THOP1: variants seen among roughly 807,000 people sequenced by gnomAD.
THOP1 encodes thimet oligopeptidase 1.
Under a neutral mutation model 71.8 loss-of-function variants are expected in THOP1, and 49 were observed. That is an observed-to-expected ratio of 0.68 (90% CI 0.54 to 0.87). The LOEUF is 0.87. THOP1 is among the 40% of genes least tolerant of loss of function. The pLI, the probability that THOP1 is intolerant of heterozygous loss-of-function variation, is 0.00. For missense variants in THOP1, 843 were observed against 975.6 expected (o/e 0.86, Z 1.81); for synonymous variants, 426 against 421.5 (o/e 1.01, Z -0.13).
rs952315333 is a variant in THOP1 at position 2,789,291 on chromosome 19, T to C, written c.17-1130T>C. On this transcript the variant is annotated intron_variant, in intron 1 of 12. Coordinates refer to ENST00000307741, the MANE Select transcript of THOP1 (RefSeq NM_003249.5). ...TGCTGGCCCCCTGGGCCCTGCACGG[T>C]TAGGTGTTTCCAGGTGGTTTTGCCA... Among the ~76,000 whole-genome samples the C allele has an allele frequency of 7.9e-5, 12 of 152,104 alleles. 1 individual carries two copies. Among genetic ancestry groups the C allele is most frequent in the African/African-American group, 2.9e-4 (12 of 41,428 alleles).
chr19:2,813,165 T>C lies in THOP1; in HGVS notation c.1959T>C (p.Asp653=), dbSNP rs774986611. ...TCCTGAGACCCGGCGGTTCCGAGGATGCCAGCGCCATGCTGAGGCGCTTCC... is the reference window on the plus strand; with the variant it reads ...TCCTGAGACCCGGCGGTTCCGAGGACGCCAGCGCCATGCTGAGGCGCTTCC... ...SCILRPGGSE[D]ASAMLRRFLG... The change falls in exon 13 of 13, where the codon GAT becomes GAC. Residue 653 remains aspartate, a synonymous_variant. Transcript: ENST00000307741. 2.0e-5 allele frequency: 33 copies of C among 1,612,068 alleles called. No homozygotes were observed. Among genetic ancestry groups the C allele is most frequent in the Non-Finnish European group, 2.5e-5 (29 of 1,179,666 alleles).
At chr19:2,793,281 C>G (rs1915926633) in intron 2 of THOP1, among the ~76,000 whole-genome samples, 1 of 152,168 alleles carries the variant, frequency 6.6e-6, no homozygotes, top group African/African-American at 2.4e-5. Flanking sequence ...TTCATAACCC[C>G]AGAGAGAAAT....
intron 8 of THOP1, 98 bp from the exon 9 acceptor site, chr19:2,808,145 G>A (rs1227683530): frequency 3.0e-6 from 4 of 1,351,508 alleles, no homozygotes; most frequent in Non-Finnish European, 4.1e-6. Flanking sequence ...GGTGCCCGGC[G>A]GTCTGGGTTA....
rs1337856004 is a variant in THOP1 at position 2,801,789 on chromosome 19, G to A, written c.589+1998G>A. On this transcript the variant is annotated intron_variant, in intron 5 of 12. Coordinates refer to ENST00000307741, the MANE Select transcript of THOP1 (RefSeq NM_003249.5). The surrounding 1 kb of genome is among the most constrained non-coding windows in gnomAD (Gnocchi z 5.1). Reference sequence around the variant, plus strand: ...ACATGGCAAGGGGAGGGGGCTAAGCGAGCCGGTTCCACCCAGGTCTCTCCT... The same window carrying A: ...ACATGGCAAGGGGAGGGGGCTAAGCAAGCCGGTTCCACCCAGGTCTCTCCT... Among the ~76,000 whole-genome samples, 3 of 152,010 alleles carry A rather than the reference G, an allele frequency of 2.0e-5. No individual in the cohort carries two copies. Among genetic ancestry groups the A allele is most frequent in the African/African-American group, 7.3e-5 (3 of 41,368 alleles).
Position 2,804,803 on chromosome 19 carries a change from G to A in THOP1, c.590-213G>A, listed in dbSNP as rs116389251. The A allele has an allele frequency of 1.6e-3, 866 of 539,000 alleles. 11 individuals carry two copies. The highest frequency in any genetic ancestry group is 0.015 in the African/African-American group (774 of 51,326). 33.4% of individuals were successfully genotyped at this position (539,000 alleles called of 1,614,324 possible). A position where few individuals can be genotyped will look rare whatever the true frequency, so the allele number is the denominator to read the frequency against. On this transcript the variant is annotated intron_variant, in intron 5 of 12. Coordinates refer to ENST00000307741, the MANE Select transcript of THOP1 (RefSeq NM_003249.5). The surrounding 1 kb of genome is among the most constrained non-coding windows in gnomAD (Gnocchi z 4.7). The stretch of plus-strand genomic sequence containing the variant: ...CGGGACGTGAGAAACGTGGCAGGTG[G>A]TGGCCAGGCTGTGGGGGAGCCAGGG...
chr19:2,790,349 C>T (rs1915845356), intron 1 of THOP1, 72 bp from the exon 2 acceptor site: 1 of 1,393,504 alleles, frequency 7.2e-7, no homozygotes. Context: ...TCCTTTCCCT[C>T]TGCCCTCCTG....
intron 10 of THOP1, 43 bp from the exon 11 acceptor site, chr19:2,810,596 CG>C: frequency 6.5e-7 from 1 of 1,536,822 alleles, no homozygotes; most frequent in Non-Finnish European, 8.8e-7. Flanking sequence ...CAGAGTGGGC[CG>C]GGGCAGGTGC....
chr19:2,793,740 TTTC>T (rs1255909573), intron 2 of THOP1, among the ~76,000 whole-genome samples: 2 of 152,208 alleles, frequency 1.3e-5, no homozygotes, highest in Non-Finnish European at 2.9e-5. Flanking sequence ...GTCTGGCTTC[TTTC>T]TCTGCATGTG....
At chr19:2,795,611 TCA>T (rs1412419510) in intron 3 of THOP1, among the ~76,000 whole-genome samples, 1 of 152,208 alleles carries the variant, frequency 6.6e-6, no homozygotes, top group Non-Finnish European at 1.5e-5. Context: ...AGACAGGGTC[TCA>T]CAACGTTGCC....
chr19:2,803,064 C>T (rs561627030), intron 5 of THOP1, among the ~76,000 whole-genome samples: 1 of 152,356 alleles, frequency 6.6e-6, no homozygotes, highest in East Asian at 1.9e-4. Flanking sequence ...GGCCTCTGAG[C>T]CCACTCTTAC....
intron 9 of THOP1, 183 bp from the exon 10 acceptor site, chr19:2,810,121 G>A (rs1916417887): frequency 1.4e-6 from 1 of 729,472 alleles, no homozygotes; most frequent in Non-Finnish European, 2.2e-6. Flanking sequence ...GCCACCGGCA[G>A]CCAGCAGCAG....
Position 2,814,940 on chromosome 19 carries a change from C to T in THOP1, c.*1664C>T, listed in dbSNP as rs943006770. On this transcript the variant is annotated 3_prime_UTR_variant, in exon 13 of 13. Transcript: ENST00000307741. ...TGGGTGTGGGGCCAGTGCCTGTGGT[C>T]TGTTTTTTGGGAGGCTGAGGCAGGA... 6.5e-6 allele frequency: 1 copy of T among 152,786 alleles called. No homozygotes were observed. Among genetic ancestry groups the T allele is most frequent in the African/African-American group, 2.4e-5 (1 of 41,436 alleles). The allele number at this position is 152,786 out of a possible 1,614,324, so 9.5% of individuals were successfully genotyped here.
intron 12 of THOP1, chr19:2,812,110 C>T (rs1313140568): frequency 1.4e-5 from 19 of 1,383,570 alleles, no homozygotes; most frequent in East Asian, 5.2e-5. Flanking sequence ...CCGGGATCTG[C>T]GTGATCGGCC....
At chr19:2,786,583 C>CTGTT (rs1344632321) in intron 1 of THOP1, among the ~76,000 whole-genome samples, 2 of 151,894 alleles carry the variant, frequency 1.3e-5, no homozygotes, top group African/African-American at 4.8e-5. Flanking sequence ...GACCTGTGTA[C>CTGTT]TGTTTATTTA....
At chr19:2,810,514 G>C in intron 10 of THOP1, 24 bp downstream of exon 10, 1 of 1,542,694 alleles carries the variant, frequency 6.5e-7, no homozygotes, top group Non-Finnish European at 8.7e-7. Context: ...GTCCGGGGAA[G>C]GGTGCTAACC....
At chr19:2,791,438 G>A (rs975567967) in intron 2 of THOP1, among the ~76,000 whole-genome samples, 1 of 152,122 alleles carries the variant, frequency 6.6e-6, no homozygotes, top group African/African-American at 2.4e-5. Context: ...GTTGGCCTCC[G>A]TGGCCCATGC....
intron 1 of THOP1, among the ~76,000 whole-genome samples, chr19:2,790,116 C>G (rs1599518266): frequency 6.6e-6 from 1 of 152,134 alleles, no homozygotes; most frequent in African/African-American, 2.4e-5. Context: ...CTGCTGGGGC[C>G]GTCCTGGTCA....
intron 9 of THOP1, among the ~76,000 whole-genome samples, chr19:2,809,360 G>A (rs994321719): frequency 6.6e-6 from 1 of 152,164 alleles, no homozygotes; most frequent in Non-Finnish European, 1.5e-5. Flanking sequence ...CACAACGCTT[G>A]GGGCCTTTTA....
In THOP1 at chr19:2,789,216, G is replaced by A. The variant is rs574686379; in HGVS notation, c.17-1205G>A. 2.6e-5 allele frequency among the ~76,000 whole-genome samples: 4 copies of A among 152,036 alleles called. No homozygotes were observed. The East Asian group carries it at 7.7e-4, about 29-fold the overall frequency. Reference sequence around the variant, plus strand: ...GCAGAACTGTTTGCTGGTCCCCTGGGTCCTCTGCAGAACTGTTTGCTGGCC... The same window carrying A: ...GCAGAACTGTTTGCTGGTCCCCTGGATCCTCTGCAGAACTGTTTGCTGGCC... On this transcript the variant is annotated intron_variant, in intron 1 of 12. Coordinates refer to ENST00000307741, the MANE Select transcript of THOP1 (RefSeq NM_003249.5).
Sources: allele counts gnomAD v4.1 joint callset (sites outside exome capture counted in the v4.1 genomes callset), GRCh38; gene constraint gnomAD v4.1.1; non-coding constraint Gnocchi (gnomAD v3.1); transcripts MANE v1.5; gene names NCBI Gene and HGNC (gene_info 2026-07-23, HGNC 2026-07-21).